NPIPA5: variants seen among roughly 807,000 people sequenced by gnomAD.
NPIPA5 encodes the protein nuclear pore complex-interacting protein family member A5.
NPIPA5 carries 6 observed loss-of-function variants against 21.4 expected under a neutral mutation model. That is an observed-to-expected ratio of 0.28 (90% CI 0.15 to 0.55). NPIPA5 has a LOEUF of 0.55. NPIPA5 is among the 20% of genes least tolerant of loss of function. The pLI is 0.93. For missense variants in NPIPA5, 99 were observed against 318.2 expected (o/e 0.31, Z 5.24); for synonymous variants, 33 against 115.3 (o/e 0.29, Z 4.57).
intron 2 of NPIPA5, among the ~76,000 whole-genome samples, chr16:15,370,736 A>T (rs1441347238): frequency 7.3e-6 from 1 of 137,624 alleles, no homozygotes; most frequent in African/African-American, 2.7e-5. Context: ...GGGCAACAAA[A>T]TTCAAACTCT....
rs549551683 is a variant in NPIPA5, at chr16:15,376,732, T to C, written c.63+1500A>G. Among the ~76,000 whole-genome samples, 1,183 of 152,276 alleles carry C rather than the reference T, an allele frequency of 7.8e-3. 15 individuals carry two copies. Among genetic ancestry groups the C allele is most frequent in the African/African-American group, 0.027 (1,103 of 41,540 alleles). On this transcript the variant is annotated intron_variant, in intron 1 of 7. Coordinates refer to ENST00000360151, the MANE Select transcript of NPIPA5 (RefSeq NM_001277325.2). ...GACATGGAGACTATCCTGGCGAACA[T>C]GGTGAAACCCAGTCTCTACTAAAAA...
At chr16:15,369,156 T>A (rs1380659040) in intron 4 of NPIPA5, among the ~76,000 whole-genome samples, 80 of 135,940 alleles carry the variant, frequency 5.9e-4, no homozygotes, top group Middle Eastern at 3.9e-3. Context: ...TATCTCAAAA[T>A]TAAAAAAAAA....
upstream of NPIPA5, chr16:15,381,625 T>C (rs2050434138): frequency 6.6e-6 from 1 of 151,706 alleles, no homozygotes. Flanking sequence ...AGCTGTGTGA[T>C]CTGGGTAAGA....
chr16:15,379,577 A>T (rs2150891456), upstream of NPIPA5, among the ~76,000 whole-genome samples: 1 of 151,836 alleles, frequency 6.6e-6, no homozygotes, highest in Non-Finnish European at 1.5e-5. Context: ...AAAAACAGCA[A>T]CAACTACAAA....
upstream of NPIPA5, among the ~76,000 whole-genome samples, chr16:15,379,061 T>C (rs2050376402): frequency 6.6e-6 from 1 of 151,816 alleles, no homozygotes; most frequent in Non-Finnish European, 1.5e-5. Context: ...GGCCCTGTCC[T>C]CAGCTAAACT....
chr16:15,363,784 C>A lies in NPIPA5; in HGVS notation c.928G>T (p.Glu310Ter), dbSNP rs750884374. ...SADDNLKTPA[E>*]CLLTPLPPSA... ...GGTGGAAGGGGAGTGAGCAGACACT[C>A]GGCAGGTGTCTTGAGATTATCATCC... Residue 310 changes from glutamate to a stop codon, truncating the protein, a stop_gained, in exon 8 of 8, where the codon GAG becomes TAG. Transcript: ENST00000360151. LOFTEE classifies it high-confidence loss of function. 1.5e-6 allele frequency: 2 copies of A among 1,308,968 alleles called. No homozygotes were observed. The highest frequency in any genetic ancestry group is 1.4e-5 in the South Asian group (1 of 70,148). 81.1% of individuals were successfully genotyped at this position (1,308,968 alleles called of 1,614,324 possible). A position where few individuals can be genotyped will look rare whatever the true frequency, so the allele number is the denominator to read the frequency against.
chr16:15,369,542 G>A (rs575801720), intron 4 of NPIPA5, among the ~76,000 whole-genome samples, 170 bp downstream of exon 4: 1 of 151,708 alleles, frequency 6.6e-6, no homozygotes, highest in Admixed American at 6.6e-5. Context: ...ATTGTAGGAA[G>A]GGAAAGGAAT....
upstream of NPIPA5, chr16:15,381,583 G>A (rs2050433785): frequency 6.6e-6 from 1 of 151,686 alleles, no homozygotes; most frequent in African/African-American, 2.4e-5. Context: ...GAGCCACACT[G>A]TTTAGATTCT....
intron 1 of NPIPA5, among the ~76,000 whole-genome samples, chr16:15,377,853 G>T (rs1183297422): frequency 6.6e-6 from 1 of 150,768 alleles, no homozygotes. Context: ...GGAGCGTGAG[G>T]CTTAGGAGCA....
chr16:15,369,473 A>G (rs2050087349), intron 4 of NPIPA5, among the ~76,000 whole-genome samples: 1 of 151,884 alleles, frequency 6.6e-6, no homozygotes, highest in South Asian at 2.1e-4. Flanking sequence ...AGAGAGAGAG[A>G]AAGGAAAACC....
chr16:15,381,122 G>A (rs2050427887), upstream of NPIPA5: 2 of 1,533,844 alleles, frequency 1.3e-6, no homozygotes, highest in Non-Finnish European at 1.7e-6. Context: ...TGTTGAATGA[G>A]TGGAAAAACA....
At chr16:15,371,402 TA>T (rs1187589746) in intron 2 of NPIPA5, among the ~76,000 whole-genome samples, 1 of 148,212 alleles carries the variant, frequency 6.7e-6, no homozygotes, top group Non-Finnish European at 1.5e-5. Context: ...AGTATGCTTT[TA>T]ATCTTCGAAG....
chr16:15,368,009 C>T (rs1598390692), intron 4 of NPIPA5, among the ~76,000 whole-genome samples: 3 of 67,464 alleles, frequency 4.4e-5, no homozygotes, highest in African/African-American at 1.8e-4. Context: ...TGATTGAATA[C>T]ATCAAATTGC....
At chr16:15,366,860 C>A in intron 4 of NPIPA5, 100 bp from the exon 5 acceptor site, 4 of 1,519,068 alleles carry the variant, frequency 2.6e-6, no homozygotes, top group Non-Finnish European at 3.5e-6. Context: ...ATCCCCCCTG[C>A]AACCTTCCCA....
rs886037884 is a variant in NPIPA5 at position 15,363,750 on chromosome 16, G to A, written c.962C>T (p.Pro321Leu). 73 of 1,416,716 alleles carry A rather than the reference G, an allele frequency of 5.2e-5. 3 individuals carry two copies. The East Asian group carries it at 8.2e-4, about 16-fold the overall frequency. The allele number at this position is 1,416,716 out of a possible 1,614,324, so 87.8% of individuals were successfully genotyped here. The change falls in exon 8 of 8, where the codon CCA becomes CTA. Residue 321 changes from proline (P) to leucine (L), a missense_variant. By Grantham distance (98) the Pro-to-Leu change is moderately conservative. Around this residue, in one of 5 missense-constraint regions of NPIPA5, gnomAD observed 75 missense variants for 138.5 expected, o/e 0.54. Coordinates refer to ENST00000360151, the MANE Select transcript of NPIPA5 (RefSeq NM_001277325.2). ...CTTGAGATTATCATCCGCTGAGGGT[G>A]GAGCTGAGGGTGGAAGGGGAGTGAG... ...CLLTPLPPSA[P>L]PSADDNLKTP... is the part of the protein sequence containing the mutation.
chr16:15,376,906 G>A (rs1414592417), intron 1 of NPIPA5, among the ~76,000 whole-genome samples: 3 of 152,096 alleles, frequency 2.0e-5, no homozygotes, highest in South Asian at 2.1e-4. Context: ...CCCCGGAAGC[G>A]GAGGTTGCAG....
upstream of NPIPA5, among the ~76,000 whole-genome samples, chr16:15,380,288 G>A (rs1230178410): frequency 6.6e-6 from 1 of 150,934 alleles, no homozygotes; most frequent in Non-Finnish European, 1.5e-5. Context: ...TAGTTTAGAA[G>A]CTGTTGATTT....
upstream of NPIPA5, among the ~76,000 whole-genome samples, chr16:15,379,337 A>C (rs1288465763): frequency 6.6e-6 from 1 of 152,080 alleles, no homozygotes; most frequent in Non-Finnish European, 1.5e-5. Context: ...TGGGAGGCCG[A>C]GGTGGGCGGA....
rs1179372191 is a variant in NPIPA5, at chr16:15,366,775, A to G, written c.438-15T>C. On this transcript the variant is annotated splice_polypyrimidine_tract_variant and intron_variant, in intron 4 of 7. Coordinates refer to ENST00000360151, the MANE Select transcript of NPIPA5 (RefSeq NM_001277325.2). ...GTTTCCTCAGACTAGAAGGGAGAGA[A>G]ATGCACACACATGATCCACCAGCCC... 2.7e-5 allele frequency: 40 copies of G among 1,486,302 alleles called. No individual in the cohort carries two copies. Among genetic ancestry groups the G allele is most frequent in the Non-Finnish European group, 3.1e-5 (35 of 1,125,624 alleles). The allele number at this position is 1,486,302 out of a possible 1,614,324, so 92.1% of individuals were successfully genotyped here.
Sources: gnomAD v4.1 joint callset for allele counts (sites outside exome capture counted in the v4.1 genomes callset) on GRCh38, gnomAD v4.1.1 for gene constraint, gnomAD v4.1.1 regional missense constraint, MANE v1.5 for transcripts, NCBI Gene and HGNC (gene_info 2026-07-23, HGNC 2026-07-21) for gene names.